The following DECR1 variants were observed in gnomAD, a reference collection of about 807,000 sequenced individuals.
The protein encoded by DECR1 is 2,4-dienoyl-CoA reductase 1.
DECR1 carries 44 observed loss-of-function variants against 38.8 expected under a neutral mutation model. The observed-to-expected ratio is 1.13, with a 90% CI of 0.89 to 1.46. DECR1 has a LOEUF of 1.46. Among genes scored for constraint, DECR1 ranks in the 40% most tolerant of loss-of-function variants. The probability of loss-of-function intolerance (pLI) is 0.00; values close to 1 mark genes in which losing one functional copy is unlikely to be tolerated. For missense variants in DECR1, 428 were observed against 405.5 expected (o/e 1.06, Z -0.48); for synonymous variants, 148 against 135.2 (o/e 1.09, Z -0.66).
intron 4 of DECR1, among the ~76,000 whole-genome samples, chr8:90,020,189 G>C (rs1330586893): frequency 6.6e-6 from 1 of 152,132 alleles, no homozygotes; most frequent in African/African-American, 2.4e-5. Context: ...TTCAGAACCA[G>C]TAACACTGAA....
intron 5 of DECR1, among the ~76,000 whole-genome samples, chr8:90,022,047 A>T (rs938133223): frequency 6.6e-6 from 1 of 152,190 alleles, no homozygotes; most frequent in Non-Finnish European, 1.5e-5. Context: ...CTCAAAGCAC[A>T]GAGGTGGACA....
rs777782992 is a variant in DECR1 at position 90,036,879 on chromosome 8, A to G, written c.604A>G (p.Thr202Ala). The change falls in exon 6 of 10, where the codon ACT becomes GCT. Residue 202 changes from threonine to alanine, a missense_variant. Physicochemically the swap from Thr to Ala is moderately conservative, Grantham distance 58. Transcript: ENST00000220764. ...TTCTATTACTACTATCTATGCTGAG[A>G]CTGGTTCAGGTTTTGTAGTACCAAG... Reference protein sequence around the residue: ...FLSITTIYAETGSGFVVPSAS... With the variant: ...FLSITTIYAEAGSGFVVPSAS... 1 of 1,613,566 alleles carries G rather than the reference A, an allele frequency of 6.2e-7. No individual in the cohort carries two copies. The highest frequency in any genetic ancestry group is 8.5e-7 in the Non-Finnish European group (1 of 1,179,742).
Position 90,044,897 on chromosome 8 carries a change from A to C in DECR1, c.787A>C (p.Ile263Leu), listed in dbSNP as rs1242582281. Reference protein sequence around the residue: ...DPTGTFEKEMIGRIPCGRLGT... With the variant: ...DPTGTFEKEMLGRIPCGRLGT... ...AACTGGAACATTTGAGAAAGAAATG[A>C]TTGGCAGAATTCCCTGTGGTCGCCT... is the stretch of plus-strand genomic sequence containing the variant. The change falls in exon 8 of 10, where the codon ATT (isoleucine) becomes CTT (leucine). Residue 263 changes from isoleucine to leucine, a missense_variant. Transcript: ENST00000220764. 6.2e-7 allele frequency: 1 copy of C among 1,613,456 alleles called. No homozygotes were observed. The highest frequency in any genetic ancestry group is 1.7e-5 in the Admixed American group (1 of 60,002).
At chr8:90,033,422 G>A (rs2130115523) in intron 5 of DECR1, among the ~76,000 whole-genome samples, 1 of 152,128 alleles carries the variant, frequency 6.6e-6, no homozygotes, top group African/African-American at 2.4e-5. Flanking sequence ...TTAGAAACTT[G>A]ACTTTTATAA....
At chr8:90,044,665 A>C (rs1813838252) in intron 7 of DECR1, among the ~76,000 whole-genome samples, 184 bp from the exon 8 acceptor site, 1 of 152,262 alleles carries the variant, frequency 6.6e-6, no homozygotes, top group Non-Finnish European at 1.5e-5. Context: ...TAAGATTAAA[A>C]GGGTTATATT....
chr8:90,045,091 A>AG, intron 8 of DECR1, 96 bp downstream of exon 8: 1 of 1,097,424 alleles, frequency 9.1e-7, no homozygotes, highest in Non-Finnish European at 1.4e-6. Context: ...CTGAATGTAA[A>AG]TATCATTTAA....
At chr8:90,039,371 T>A (rs1319365587) in intron 6 of DECR1, among the ~76,000 whole-genome samples, 1 of 152,190 alleles carries the variant, frequency 6.6e-6, no homozygotes, top group African/African-American at 2.4e-5. Context: ...AAGGCACCTC[T>A]TCACAGGGCA....
chr8:90,038,450 G>A (rs917429972), intron 6 of DECR1, among the ~76,000 whole-genome samples: 79 of 147,488 alleles, frequency 5.4e-4, no homozygotes, highest in Non-Finnish European at 1.0e-3. Context: ...AGGGCATCGC[G>A]GGCCTTTTTT....
rs776443358 is a variant in DECR1 at position 90,036,824 on chromosome 8, T to C, written c.566-17T>C. On this transcript the variant is annotated splice_polypyrimidine_tract_variant and intron_variant, in intron 5 of 9. Transcript: ENST00000220764. ...ACATCTATATTGCTAATCAACTGTA[T>C]CCTTTTAAAATTTCAGGAGCAGCAT... is the stretch of plus-strand genomic sequence containing the variant. The C allele has an allele frequency of 9.4e-5, 146 of 1,560,106 alleles. 1 individual carries two copies. Among genetic ancestry groups the C allele is most frequent in the Middle Eastern group, 6.7e-4 (4 of 5,940 alleles).
At chr8:90,007,206 T>C (rs540597637) in intron 1 of DECR1, among the ~76,000 whole-genome samples, 1 of 152,060 alleles carries the variant, frequency 6.6e-6, no homozygotes, top group South Asian at 2.1e-4. Context: ...TTTTCCTGAG[T>C]GTAAATTTCA....
chr8:90,041,094 T>C (rs926310299), intron 6 of DECR1, among the ~76,000 whole-genome samples: 6 of 152,332 alleles, frequency 3.9e-5, no homozygotes, highest in Non-Finnish European at 5.9e-5. Context: ...CCACCAACAG[T>C]GTAAAAGTGT....
At chr8:90,023,358 C>T (rs1030200167) in intron 5 of DECR1, among the ~76,000 whole-genome samples, 3 of 151,876 alleles carry the variant, frequency 2.0e-5, no homozygotes, top group Non-Finnish European at 4.4e-5. Flanking sequence ...TCCCTAGGAG[C>T]TTGCTAAACT....
chr8:90,033,541 G>A (rs1444025492), intron 5 of DECR1, among the ~76,000 whole-genome samples: 1 of 152,064 alleles, frequency 6.6e-6, no homozygotes, highest in Non-Finnish European at 1.5e-5. Context: ...TTGCACTTTA[G>A]CACCACTGTT....
intron 8 of DECR1, among the ~76,000 whole-genome samples, chr8:90,050,034 G>A (rs1345020146): frequency 6.6e-6 from 1 of 152,134 alleles, no homozygotes; most frequent in Non-Finnish European, 1.5e-5. Context: ...ATTCAAGATG[G>A]ATTAAAGACT....
At chr8:90,011,134 G>A (rs1270875125) in intron 1 of DECR1, among the ~76,000 whole-genome samples, 2 of 152,116 alleles carry the variant, frequency 1.3e-5, no homozygotes, top group African/African-American at 4.8e-5. Context: ...ACATGAAGGG[G>A]AGCCTGTTAC....
chr8:90,022,498 G>GT (rs369291117), intron 5 of DECR1, among the ~76,000 whole-genome samples: 117 of 149,028 alleles, frequency 7.9e-4, no homozygotes, highest in African/African-American at 1.8e-3. Context: ...TTTATTTGAT[G>GT]TTTTTTTTTT....
At chr8:90,045,653 A>G (rs1365521390) in intron 8 of DECR1, among the ~76,000 whole-genome samples, 1 of 152,202 alleles carries the variant, frequency 6.6e-6, no homozygotes, top group African/African-American at 2.4e-5. Flanking sequence ...GCAGACTTAA[A>G]TGTCCCTGTC....
At chr8:90,051,509 A>G (rs1814092378) in intron 8 of DECR1, among the ~76,000 whole-genome samples, 168 bp from the exon 9 acceptor site, 1 of 152,210 alleles carries the variant, frequency 6.6e-6, no homozygotes, top group African/African-American at 2.4e-5. Context: ...TAGAATTATA[A>G]ACTGAGTAAA....
rs768747013 is a variant in DECR1 at position 90,019,207 on chromosome 8, C to G, written c.417+35C>G. ...GCAATGATGAAGCCAAAGTGCAAGA[C>G]ACTTGATGTTGATAACACCCACCAA... On this transcript the variant is annotated intron_variant, in intron 4 of 9. Coordinates refer to ENST00000220764, the MANE Select transcript of DECR1 (RefSeq NM_001359.2). The G allele has an allele frequency of 4.5e-6, 7 of 1,539,850 alleles. No homozygotes were observed. In the Admixed American group the frequency reaches 1.0e-4, roughly 22 times the overall value.
Sources: allele counts gnomAD v4.1 joint callset (sites outside exome capture counted in the v4.1 genomes callset), GRCh38; gene constraint gnomAD v4.1.1; transcripts MANE v1.5; gene names NCBI Gene and HGNC (gene_info 2026-07-23, HGNC 2026-07-21).